CHST8: variants seen among roughly 807,000 people sequenced by gnomAD.
CHST8 encodes carbohydrate sulfotransferase 8, also known as GALNAC-4-ST1.
In CHST8, 10 loss-of-function variants were observed where a neutral mutation model predicts 15.0. That is an observed-to-expected ratio of 0.67 (90% CI 0.41 to 1.13). The LOEUF is 1.13. CHST8 is among the 50% of genes most tolerant of loss of function. CHST8 has a pLI of 0.00. For synonymous variants in CHST8, 259 were observed against 256.6 expected (o/e 1.01, Z -0.09); for missense variants, 634 against 608.2 (o/e 1.04, Z -0.45).
At chr19:33,686,979 C>A (rs1454414960) in intron 2 of CHST8, among the ~76,000 whole-genome samples, 3 of 152,338 alleles carry the variant, frequency 2.0e-5, no homozygotes, top group Non-Finnish European at 4.4e-5. Flanking sequence ...TCTTCCTGGT[C>A]CCCATCTGAG....
intron 2 of CHST8, among the ~76,000 whole-genome samples, chr19:33,677,852 C>T (rs1039775512): frequency 1.3e-5 from 2 of 152,162 alleles, no homozygotes; most frequent in African/African-American, 4.8e-5. Flanking sequence ...AGACTGGGCA[C>T]GGGAGGTTGG....
At chr19:33,659,131 T>G (rs1383145463) in intron 1 of CHST8, among the ~76,000 whole-genome samples, 2 of 125,626 alleles carry the variant, frequency 1.6e-5, no homozygotes, top group African/African-American at 6.0e-5. Flanking sequence ...AGTGGCACAA[T>G]CTCGGCTCAC....
intron 3 of CHST8, among the ~76,000 whole-genome samples, chr19:33,770,841 C>T (rs1974965868): frequency 6.6e-6 from 1 of 152,200 alleles, no homozygotes; most frequent in Non-Finnish European, 1.5e-5. Context: ...GCCAAGATCA[C>T]AAAGCAAATG....
intron 3 of CHST8, among the ~76,000 whole-genome samples, chr19:33,723,570 C>G (rs1251565069): frequency 6.6e-6 from 1 of 152,190 alleles, no homozygotes; most frequent in Admixed American, 6.5e-5. Flanking sequence ...GGCTGGAACC[C>G]TGTGCTCACC....
At chr19:33,703,226 G>T (rs1039857826) in intron 3 of CHST8, among the ~76,000 whole-genome samples, 1 of 152,218 alleles carries the variant, frequency 6.6e-6, no homozygotes, top group African/African-American at 2.4e-5. Flanking sequence ...TCAGGGCCAA[G>T]GGGGAGGGCC....
At chr19:33,635,386 G>GAGTC (rs2145440474) in intron 1 of CHST8, among the ~76,000 whole-genome samples, 1 of 152,302 alleles carries the variant, frequency 6.6e-6, no homozygotes, top group South Asian at 2.1e-4. Context: ...TTGAGACCCA[G>GAGTC]TCACTGCCAC....
intron 1 of CHST8, among the ~76,000 whole-genome samples, chr19:33,648,729 A>G (rs1399379038): frequency 6.6e-6 from 1 of 152,074 alleles, no homozygotes; most frequent in Non-Finnish European, 1.5e-5. Context: ...AGAAATGAAA[A>G]TATATGTCCC....
Position 33,772,022 on chromosome 19 carries a change from C to T in CHST8, c.234C>T (p.Asp78=), listed in dbSNP as rs1974994835. ...AACCCACAGAGAGGGTCACTCGGGA[C>T]TTATCCAGTGGGGCCCCGAGGGGCC... ...LKEPTERVTR[D]LSSGAPRGRN... The change falls in exon 5 of 5, where the codon GAC becomes GAT. Residue 78 remains aspartate, a synonymous_variant. Coordinates refer to ENST00000650847, the MANE Select transcript of CHST8 (RefSeq NM_001127895.2). The T allele has an allele frequency of 1.2e-6, 2 of 1,611,158 alleles. No individual in the cohort carries two copies. The highest frequency in any genetic ancestry group is 2.2e-5 in the East Asian group (1 of 44,846).
At chr19:33,771,306 C>T (rs1221321724) in intron 3 of CHST8, 107 bp from the exon 4 acceptor site, 1 of 1,121,328 alleles carries the variant, frequency 8.9e-7, no homozygotes, top group Admixed American at 1.7e-5. Flanking sequence ...GAGCCTACCC[C>T]AAGATCCCTC....
intron 3 of CHST8, among the ~76,000 whole-genome samples, chr19:33,737,715 T>C (rs1475404108): frequency 6.6e-6 from 1 of 152,168 alleles, no homozygotes; most frequent in Non-Finnish European, 1.5e-5. Flanking sequence ...CCTCCTAGGA[T>C]GGGCATCCTG....
At chr19:33,646,585 G>A (rs1302886666) in intron 1 of CHST8, among the ~76,000 whole-genome samples, 2 of 152,216 alleles carry the variant, frequency 1.3e-5, no homozygotes, top group Admixed American at 1.3e-4. Context: ...GAGGGGGTTA[G>A]TTTCAGGAAG....
At chr19:33,634,265 A>G (rs899694123) in intron 1 of CHST8, among the ~76,000 whole-genome samples, 6 of 152,172 alleles carry the variant, frequency 3.9e-5, no homozygotes, top group Admixed American at 2.0e-4. Context: ...TAGCCATTCT[A>G]TGAGTATGCC....
intron 1 of CHST8, among the ~76,000 whole-genome samples, chr19:33,651,398 T>C (rs539330097): frequency 6.6e-6 from 1 of 152,300 alleles, no homozygotes; most frequent in South Asian, 2.1e-4. Context: ...ATATTACTAG[T>C]GTTTATAAAT....
intron 3 of CHST8, among the ~76,000 whole-genome samples, chr19:33,698,238 A>T: frequency 6.6e-6 from 1 of 152,240 alleles, no homozygotes; most frequent in South Asian, 2.1e-4. Context: ...AAAGAACTAC[A>T]ATCCTTTATC....
At chr19:33,715,854 A>G (rs1221126161) in intron 3 of CHST8, among the ~76,000 whole-genome samples, 1 of 152,228 alleles carries the variant, frequency 6.6e-6, no homozygotes, top group African/African-American at 2.4e-5. Flanking sequence ...CCAGGCAGGT[A>G]CATGAGTTCC....
chr19:33,627,068 A>T (rs1047076621), intron 1 of CHST8, among the ~76,000 whole-genome samples: 6 of 120,786 alleles, frequency 5.0e-5, no homozygotes, highest in African/African-American at 1.6e-4. Context: ...GGGATTGCAG[A>T]TGTGAGCCAG....
chr19:33,733,353 C>T (rs1974027820), intron 3 of CHST8, among the ~76,000 whole-genome samples: 1 of 151,592 alleles, frequency 6.6e-6, no homozygotes, highest in Non-Finnish European at 1.5e-5. Flanking sequence ...CCTGCCTCAG[C>T]CTCCCAAGTA....
intron 3 of CHST8, among the ~76,000 whole-genome samples, chr19:33,755,104 G>A (rs1974521402): frequency 6.6e-6 from 1 of 152,096 alleles, no homozygotes; most frequent in Non-Finnish European, 1.5e-5. Context: ...ACCCCCCAGG[G>A]GCTCAGGATG....
chr19:33,689,966 A>G (rs1228081371), intron 3 of CHST8, among the ~76,000 whole-genome samples: 1 of 152,190 alleles, frequency 6.6e-6, no homozygotes, highest in Non-Finnish European at 1.5e-5. Context: ...GATGGCAGGG[A>G]GGCCAGAGCA....
Sources: gnomAD v4.1 joint callset for allele counts (sites outside exome capture counted in the v4.1 genomes callset) on GRCh38, gnomAD v4.1.1 for gene constraint, MANE v1.5 for transcripts, NCBI Gene and HGNC (gene_info 2026-07-23, HGNC 2026-07-21) for gene names.